TIAM2: variants seen among roughly 807,000 people sequenced by gnomAD.
TIAM2 encodes the protein TIAM Rac1 associated GEF 2, also known as rho guanine nucleotide exchange factor TIAM2.
In TIAM2, 80 loss-of-function variants were observed where a neutral mutation model predicts 152.9. The observed-to-expected ratio is 0.52, with a 90% CI of 0.44 to 0.63. The LOEUF (loss-of-function observed/expected upper bound fraction) is 0.63. Among genes scored for constraint, TIAM2 ranks in the 30% least tolerant of loss-of-function variants. TIAM2 has a pLI of 0.00. For synonymous variants in TIAM2, 804 were observed against 838.0 expected (o/e 0.96, Z 0.70); for missense variants, 1,965 against 2,120.1 (o/e 0.93, Z 1.44).
intron 1 of TIAM2, among the ~76,000 whole-genome samples, chr6:155,068,207 G>A (rs193055966): frequency 1.0e-3 from 158 of 152,204 alleles, no homozygotes; most frequent in African/African-American, 3.4e-3. Context: ...CACATTTGGC[G>A]TGTGTGTCTC....
intron 1 of TIAM2, among the ~76,000 whole-genome samples, chr6:155,038,933 C>T (rs956627420): frequency 2.2e-5 from 3 of 137,000 alleles, no homozygotes; most frequent in Non-Finnish European, 4.6e-5. Context: ...GGTGACGGAG[C>T]GAGAGCCTGT....
chr6:155,249,856 C>T lies in TIAM2; in HGVS notation c.3838C>T (p.Leu1280=), dbSNP rs756530014. ...SEEHYHLTEA[L]KAMEKVASHI... ...TATGATTTCATATCTTGCAGAAGCA[C>T]TAAAGGCAATGGAGAAAGTAGCGAG... The change falls in exon 21 of 27, where the codon CTA becomes TTA. Residue 1280 remains leucine, a synonymous_variant. Coordinates refer to ENST00000682666, the MANE Select transcript of TIAM2 (RefSeq NM_012454.4). 126 of 1,611,616 alleles carry T rather than the reference C, an allele frequency of 7.8e-5. No homozygotes were observed. The highest frequency in any genetic ancestry group is 9.8e-5 in the Non-Finnish European group (115 of 1,178,994).
intron 1 of TIAM2, among the ~76,000 whole-genome samples, chr6:155,045,840 CTTTTTTTT>C (rs11354850): frequency 3.3e-5 from 2 of 60,500 alleles, no homozygotes; most frequent in Non-Finnish European, 5.9e-5. Flanking sequence ...ATAGTGCCCT[CTTTTTTTT>C]TTTTTTTTTT....
intron 14 of TIAM2, among the ~76,000 whole-genome samples, chr6:155,202,547 T>C (rs1393763660): frequency 6.6e-6 from 1 of 151,488 alleles, no homozygotes; most frequent in Non-Finnish European, 1.5e-5. Context: ...GCCTCCTGAG[T>C]GGCTGGGACT....
chr6:155,023,042 G>GTTTTTTTTTTTTTTTTTTTTT (rs762200760), intron 1 of TIAM2, among the ~76,000 whole-genome samples: 1 of 88,274 alleles, frequency 1.1e-5, no homozygotes, highest in African/African-American at 3.8e-5. Context: ...TTTTTGTTCT[G>GTTTTTTTTTTTTTTTTTTTTT]TTTTTTTTTT....
intron 15 of TIAM2, among the ~76,000 whole-genome samples, chr6:155,228,133 G>A (rs1286845861): frequency 1.3e-5 from 2 of 152,240 alleles, no homozygotes; most frequent in Non-Finnish European, 2.9e-5. Flanking sequence ...GTTGGGCAGA[G>A]CTGTCCTAAG....
intron 4 of TIAM2, among the ~76,000 whole-genome samples, chr6:155,136,827 A>G (rs970819267): frequency 6.6e-6 from 1 of 152,388 alleles, no homozygotes; most frequent in East Asian, 1.9e-4. Flanking sequence ...ATACTGATTC[A>G]TGGTTAGCAA....
At chr6:155,051,261 C>T (rs554792301) in intron 1 of TIAM2, among the ~76,000 whole-genome samples, 1 of 152,258 alleles carries the variant, frequency 6.6e-6, no homozygotes, top group Admixed American at 6.5e-5. Flanking sequence ...GTCCGGAAGG[C>T]ACAGCGCGTA....
At chr6:155,255,042 A>C (rs1369315575) in intron 26 of TIAM2, 1 of 156,162 alleles carries the variant, frequency 6.4e-6, no homozygotes, top group Non-Finnish European at 1.4e-5. Context: ...GTACCCAGAC[A>C]ACCATTCTGT....
intron 12 of TIAM2, among the ~76,000 whole-genome samples, chr6:155,180,546 G>A (rs1278258159): frequency 6.6e-6 from 1 of 151,944 alleles, no homozygotes; most frequent in Non-Finnish European, 1.5e-5. Flanking sequence ...GTCCTTTTTA[G>A]GATGCCTTCG....
chr6:155,139,486 G>A (rs58146133), intron 5 of TIAM2, among the ~76,000 whole-genome samples: 3,890 of 152,290 alleles, frequency 0.026, 67 homozygotes, highest in South Asian at 0.033. Flanking sequence ...CCATACTGGC[G>A]AGGCAGATTT....
intron 14 of TIAM2, among the ~76,000 whole-genome samples, chr6:155,195,193 G>A (rs542235003): frequency 2.6e-4 from 40 of 152,330 alleles, no homozygotes; most frequent in Non-Finnish European, 5.7e-4. Flanking sequence ...TAACTAAGAA[G>A]GGAGCTGTGG....
chr6:155,167,919 G>A (rs1780486420), intron 9 of TIAM2, among the ~76,000 whole-genome samples: 1 of 152,190 alleles, frequency 6.6e-6, no homozygotes, highest in Non-Finnish European at 1.5e-5. Context: ...TTTCTTAGGT[G>A]TAGACATTCT....
chr6:155,019,864 C>T (rs1776438420), intron 1 of TIAM2, among the ~76,000 whole-genome samples: 1 of 152,096 alleles, frequency 6.6e-6, no homozygotes. Context: ...ACCATCCTGG[C>T]CAACAAGGTA....
rs576440575 is a variant in TIAM2, at chr6:155,144,838, A to G, written c.1803+60A>G. 3.6e-5 allele frequency: 54 copies of G among 1,514,692 alleles called. No homozygotes were observed. The African/African-American group carries it at 5.0e-4, about 14-fold the overall frequency. The allele number at this position is 1,514,692 out of a possible 1,614,324, so 93.8% of individuals were successfully genotyped here. A position where few individuals can be genotyped will look rare whatever the true frequency, so the allele number is the denominator to read the frequency against. On this transcript the variant is annotated intron_variant, in intron 6 of 26. Coordinates refer to ENST00000682666, the MANE Select transcript of TIAM2 (RefSeq NM_012454.4). ...TTATGTACTGCTAGAATAAGAAGGA[A>G]CAGAAAAGGCAAAACTTGGAAATGA... is the stretch of plus-strand genomic sequence containing the variant.
At chr6:155,142,834 T>C (rs554132299) in intron 5 of TIAM2, among the ~76,000 whole-genome samples, 16 of 152,362 alleles carry the variant, frequency 1.1e-4, no homozygotes, top group Middle Eastern at 6.8e-3. Context: ...AGGGAGAAAG[T>C]ACTGCTTCCG....
chr6:155,074,619 A>T (rs907373391), intron 1 of TIAM2, among the ~76,000 whole-genome samples: 25 of 152,260 alleles, frequency 1.6e-4, no homozygotes, highest in African/African-American at 6.0e-4. Flanking sequence ...AAGTGCTGGG[A>T]TTACAGGCAT....
chr6:155,150,479 C>T (rs988773377), intron 7 of TIAM2, among the ~76,000 whole-genome samples: 5 of 151,956 alleles, frequency 3.3e-5, no homozygotes, highest in Admixed American at 6.6e-5. Flanking sequence ...GGGTGTTGGG[C>T]GAGCATGGAG....
intron 14 of TIAM2, among the ~76,000 whole-genome samples, chr6:155,206,457 G>C (rs749399673): frequency 6.6e-6 from 1 of 152,050 alleles, no homozygotes; most frequent in Non-Finnish European, 1.5e-5. Context: ...GGATGGTCTC[G>C]ATCTCCTGAC....
Sources: allele counts gnomAD v4.1 joint callset (sites outside exome capture counted in the v4.1 genomes callset), GRCh38; gene constraint gnomAD v4.1.1; transcripts MANE v1.5; gene names NCBI Gene and HGNC (gene_info 2026-07-23, HGNC 2026-07-21).